The following PALM2AKAP2 variants were observed in gnomAD, a reference collection of about 807,000 sequenced individuals.
PALM2AKAP2 encodes PALM2-AKAP2 fusion protein.
PALM2AKAP2 carries 37 observed loss-of-function variants against 71.5 expected under a neutral mutation model. The observed-to-expected ratio is 0.52, with a 90% CI of 0.40 to 0.68. PALM2AKAP2 has a LOEUF of 0.68. PALM2AKAP2 is among the 30% of genes least tolerant of loss of function. PALM2AKAP2 has a pLI of 0.00. For missense variants in PALM2AKAP2, 1,224 were observed against 1,191.8 expected (o/e 1.03, Z -0.40); for synonymous variants, 468 against 478.8 (o/e 0.98, Z 0.29).
chr9:109,849,512 C>T (rs1374703756), intron 1 of PALM2AKAP2, among the ~76,000 whole-genome samples: 2 of 152,080 alleles, frequency 1.3e-5, no homozygotes, highest in Non-Finnish European at 2.9e-5. Context: ...CTTTGGGAGG[C>T]GAAGGTGGGT....
intron 1 of PALM2AKAP2, among the ~76,000 whole-genome samples, chr9:109,838,544 A>T (rs1049062712): frequency 4.7e-4 from 71 of 152,376 alleles, no homozygotes; most frequent in Middle Eastern, 3.4e-3. Flanking sequence ...GAACTGAAGG[A>T]AATGGAGACA....
chr9:110,095,934 C>A (rs1030896388), intron 1 of PALM2AKAP2, among the ~76,000 whole-genome samples: 3 of 152,172 alleles, frequency 2.0e-5, no homozygotes, highest in African/African-American at 7.2e-5. Flanking sequence ...TCCCCTCCTC[C>A]CTGCCAGCTT....
chr9:110,002,798 G>C (rs2132283694), intron 6 of PALM2AKAP2, among the ~76,000 whole-genome samples: 1 of 152,310 alleles, frequency 6.6e-6, no homozygotes, highest in South Asian at 2.1e-4. Flanking sequence ...ATTTCTTCTA[G>C]ATTTTCTAGT....
intron 1 of PALM2AKAP2, among the ~76,000 whole-genome samples, chr9:110,119,445 C>T (rs1250209115): frequency 6.6e-6 from 1 of 151,668 alleles, no homozygotes. Context: ...CATTGGAGAT[C>T]CTTGTGTATA....
intron 7 of PALM2AKAP2, among the ~76,000 whole-genome samples, chr9:110,037,425 C>T (rs1443177084): frequency 1.3e-5 from 2 of 152,178 alleles, no homozygotes; most frequent in Admixed American, 1.3e-4. Flanking sequence ...AGGCTGGTCT[C>T]GAACTCCCGA....
chr9:110,131,379 G>C lies in PALM2AKAP2; in HGVS notation c.157-4748G>C, dbSNP rs1349304913. Among the ~76,000 whole-genome samples the C allele has an allele frequency of 2.0e-5, 3 of 152,058 alleles. No individual in the cohort carries two copies. In the South Asian group the frequency reaches 6.2e-4, roughly 32 times the overall value. On this transcript the variant is annotated intron_variant, in intron 1 of 3. Transcript: ENST00000374525. ...TTCATATCCTCCTGTTTTTGCATTG[G>C]GGCATAGTTCATTTCAAAAAGGACT...
At chr9:110,070,435 T>G (rs1046562941) in intron 1 of PALM2AKAP2, among the ~76,000 whole-genome samples, 2 of 151,938 alleles carry the variant, frequency 1.3e-5, no homozygotes, top group Non-Finnish European at 1.5e-5. Flanking sequence ...CTAAAAAGTT[T>G]TAGAAACTAA....
At chr9:109,650,305 G>C (rs965939985) in intron 1 of PALM2AKAP2, among the ~76,000 whole-genome samples, 2 of 135,012 alleles carry the variant, frequency 1.5e-5, no homozygotes, top group Non-Finnish European at 3.5e-5. Flanking sequence ...CACCTTTTAG[G>C]GTTGTCCACT....
At chr9:110,109,009 T>G (rs1314543343) in intron 1 of PALM2AKAP2, among the ~76,000 whole-genome samples, 1 of 151,772 alleles carries the variant, frequency 6.6e-6, no homozygotes, top group Admixed American at 6.6e-5. Context: ...AGCAGCAGGG[T>G]GGTACGTTGT....
intron 1 of PALM2AKAP2, among the ~76,000 whole-genome samples, chr9:109,669,280 T>A (rs1827538958): frequency 6.6e-6 from 1 of 151,996 alleles, no homozygotes. Flanking sequence ...TTTTTTTCAA[T>A]GAATACATGT....
upstream of PALM2AKAP2, among the ~76,000 whole-genome samples, chr9:110,044,344 CTTTTTTTTTTTT>C (rs57314430): frequency 1.2e-4 from 10 of 80,154 alleles, no homozygotes; most frequent in African/African-American, 5.0e-4. Context: ...TTCTTTCTTT[CTTTTTTTTTTTT>C]TTTTTTTTTT....
intron 6 of PALM2AKAP2, among the ~76,000 whole-genome samples, chr9:109,987,155 G>A (rs1818623192): frequency 1.3e-5 from 2 of 152,074 alleles, no homozygotes; most frequent in South Asian, 2.1e-4. Context: ...TTTTGAGACA[G>A]AGTCTTGCTC....
chr9:109,789,628 G>A (rs1827056270), intron 1 of PALM2AKAP2, among the ~76,000 whole-genome samples: 1 of 152,166 alleles, frequency 6.6e-6, no homozygotes, highest in African/African-American at 2.4e-5. Flanking sequence ...CACTGTACAG[G>A]ATGAGGCCTA....
intron 6 of PALM2AKAP2, among the ~76,000 whole-genome samples, chr9:109,967,387 G>C (rs1831971977): frequency 6.6e-6 from 1 of 152,038 alleles, no homozygotes; most frequent in Admixed American, 6.6e-5. Context: ...CCATATGCAA[G>C]GGTAGCGCAG....
At chr9:109,680,373 C>A (rs1400703567) in intron 1 of PALM2AKAP2, among the ~76,000 whole-genome samples, 1 of 152,244 alleles carries the variant, frequency 6.6e-6, no homozygotes, top group Non-Finnish European at 1.5e-5. Context: ...CTGCTCCCAA[C>A]ACATGGCTGT....
intron 1 of PALM2AKAP2, among the ~76,000 whole-genome samples, chr9:109,768,503 G>GTGT (rs1339379790): frequency 6.6e-6 from 1 of 152,294 alleles, no homozygotes; most frequent in East Asian, 1.9e-4. Context: ...TGATTTTTAT[G>GTGT]TGTTGGGAAC....
At chr9:110,016,227 C>T (rs774199256) in intron 7 of PALM2AKAP2, among the ~76,000 whole-genome samples, 188 bp downstream of exon 7, 3 of 152,136 alleles carry the variant, frequency 2.0e-5, no homozygotes, top group Non-Finnish European at 2.9e-5. Context: ...GGTCTACAGC[C>T]GTACCACCCT....
At chr9:109,869,947 G>C (rs1829562127) in intron 2 of PALM2AKAP2, among the ~76,000 whole-genome samples, 1 of 151,994 alleles carries the variant, frequency 6.6e-6, no homozygotes. Flanking sequence ...ATGTCTCTGG[G>C]AAAGGCTTGT....
intron 6 of PALM2AKAP2, chr9:109,943,246 G>C: frequency 6.2e-7 from 1 of 1,614,242 alleles, no homozygotes; most frequent in Non-Finnish European, 8.5e-7. Context: ...GTCATTGAGG[G>C]AGAAGACAGT....
Sources: allele counts gnomAD v4.1 joint callset (sites outside exome capture counted in the v4.1 genomes callset), GRCh38; gene constraint gnomAD v4.1.1; transcripts MANE v1.5; gene names NCBI Gene and HGNC (gene_info 2026-07-23, HGNC 2026-07-21).